Variants in ARHGEF11 observed in about 807,000 individuals in gnomAD.
ARHGEF11 encodes Rho guanine nucleotide exchange factor 11.
A neutral mutation model predicts 193.7 loss-of-function variants in ARHGEF11; 55 were observed. The observed-to-expected ratio is 0.28, with a 90% CI of 0.23 to 0.36. The LOEUF is 0.36. ARHGEF11 is among the 10% of genes least tolerant of loss of function. ARHGEF11 has a pLI of 1.00. For missense variants in ARHGEF11, 1,723 were observed against 2,005.6 expected (o/e 0.86, Z 2.69); for synonymous variants, 693 against 768.0 (o/e 0.90, Z 1.62).
intron 3 of ARHGEF11, among the ~76,000 whole-genome samples, chr1:156,982,503 G>T (rs895207435): frequency 6.6e-6 from 1 of 152,124 alleles, no homozygotes; most frequent in Non-Finnish European, 1.5e-5. Context: ...TCCAAATGAA[G>T]TCTCTTTTAC....
At position 156,976,965 on chromosome 1, in the gene ARHGEF11, C is replaced by G. The variant is rs776850576; in HGVS notation, c.582+18G>C. The stretch of plus-strand genomic sequence containing the variant: ...TTCACTCAGGCAATGGCCAGTCTAC[C>G]CTTGGCAGTGACCTTACCTGTAATT... On this transcript the variant is annotated intron_variant, in intron 7 of 40. Coordinates refer to ENST00000368194, the MANE Select transcript of ARHGEF11 (RefSeq NM_198236.3). 6.2e-7 allele frequency: 1 copy of G among 1,609,678 alleles called. No individual in the cohort carries two copies. Among genetic ancestry groups the G allele is most frequent in the South Asian group, 1.1e-5 (1 of 90,972 alleles).
At chr1:156,963,439 T>C in intron 12 of ARHGEF11, 81 bp downstream of exon 12, 1 of 1,529,268 alleles carries the variant, frequency 6.5e-7, no homozygotes, top group African/African-American at 1.4e-5. Flanking sequence ...TCACAGCTGA[T>C]GCTAGTCAAA....
chr1:156,983,847 C>T (rs1664549348), intron 3 of ARHGEF11, among the ~76,000 whole-genome samples: 1 of 152,236 alleles, frequency 6.6e-6, no homozygotes, highest in Admixed American at 6.5e-5. Flanking sequence ...ACATCACATC[C>T]AACATATATC....
At chr1:157,040,991 C>T (rs1212795459) in intron 1 of ARHGEF11, among the ~76,000 whole-genome samples, 4 of 152,158 alleles carry the variant, frequency 2.6e-5, no homozygotes. Flanking sequence ...CATGTGACTT[C>T]CCCAAGGTCA....
intron 22 of ARHGEF11, among the ~76,000 whole-genome samples, chr1:156,951,052 T>A (rs1028584701): frequency 2.0e-5 from 3 of 152,200 alleles, no homozygotes; most frequent in African/African-American, 7.2e-5. Context: ...TTGTAATCAA[T>A]CCACTTTGCC....
At chr1:156,974,609 T>G (rs988418429) in intron 7 of ARHGEF11, among the ~76,000 whole-genome samples, 2 of 152,172 alleles carry the variant, frequency 1.3e-5, no homozygotes, top group African/African-American at 4.8e-5. Flanking sequence ...ACTACCTAAT[T>G]CCAGAACATT....
chr1:157,028,903 A>T (rs1180303321), intron 1 of ARHGEF11, among the ~76,000 whole-genome samples: 1 of 152,148 alleles, frequency 6.6e-6, no homozygotes, highest in Non-Finnish European at 1.5e-5. Context: ...GTGGTGGCTC[A>T]TGCCTGTAAT....
chr1:156,988,653 A>G (rs996804288), intron 1 of ARHGEF11, among the ~76,000 whole-genome samples: 2 of 152,330 alleles, frequency 1.3e-5, no homozygotes, highest in South Asian at 4.1e-4. Flanking sequence ...CAAAAGGTCC[A>G]TGTCCCTGCT....
chr1:157,011,479 A>C (rs1473915591), intron 1 of ARHGEF11, among the ~76,000 whole-genome samples: 1 of 152,130 alleles, frequency 6.6e-6, no homozygotes, highest in Non-Finnish European at 1.5e-5. Context: ...AAAATATATA[A>C]AAACTGGACT....
intron 1 of ARHGEF11, among the ~76,000 whole-genome samples, chr1:157,025,942 C>T (rs1039156228): frequency 6.6e-6 from 1 of 152,210 alleles, no homozygotes; most frequent in Non-Finnish European, 1.5e-5. Flanking sequence ...AGAATAAAAA[C>T]ACTGTATAAT....
chr1:156,952,445 C>A (rs1659254763), intron 21 of ARHGEF11, among the ~76,000 whole-genome samples: 1 of 152,186 alleles, frequency 6.6e-6, no homozygotes, highest in Admixed American at 6.5e-5. Context: ...AAGGAATTCA[C>A]CTTCAAGTCA....
At chr1:156,992,605 G>A (rs200842085) in intron 1 of ARHGEF11, among the ~76,000 whole-genome samples, 2 of 78,348 alleles carry the variant, frequency 2.6e-5, no homozygotes, top group African/African-American at 7.0e-5. Flanking sequence ...GTATATATAT[G>A]TGTGTGTGTG....
chr1:157,028,337 G>A (rs1428982972), intron 1 of ARHGEF11, among the ~76,000 whole-genome samples: 1 of 152,168 alleles, frequency 6.6e-6, no homozygotes, highest in Non-Finnish European at 1.5e-5. Flanking sequence ...ATTTTGCTAA[G>A]CACTTCACAT....
chr1:156,945,402 A>C, intron 29 of ARHGEF11: 1 of 573,812 alleles, frequency 1.7e-6, no homozygotes. Flanking sequence ...CAGACAGATC[A>C]CTGCTTTGAA....
intron 19 of ARHGEF11, 30 bp downstream of exon 19, chr1:156,956,390 C>A: frequency 6.2e-7 from 1 of 1,612,344 alleles, no homozygotes; most frequent in Non-Finnish European, 8.5e-7. Context: ...ACTAGGATTA[C>A]AGGCATGAGC....
At chr1:156,998,124 C>T (rs986223350) in intron 1 of ARHGEF11, among the ~76,000 whole-genome samples, 1 of 152,188 alleles carries the variant, frequency 6.6e-6, no homozygotes, top group South Asian at 2.1e-4. Flanking sequence ...TCCTTGTTCG[C>T]TGGACTGTGA....
intron 2 of ARHGEF11, among the ~76,000 whole-genome samples, chr1:156,984,774 GAAGACTA>G (rs2102467033): frequency 6.6e-6 from 1 of 152,204 alleles, no homozygotes; most frequent in South Asian, 2.1e-4. Flanking sequence ...CCATCCTCCT[GAAGACTA>G]ATATTACCAA....
chr1:156,968,858 T>A (rs2102277748), intron 10 of ARHGEF11, among the ~76,000 whole-genome samples: 1 of 152,306 alleles, frequency 6.6e-6, no homozygotes, highest in South Asian at 2.1e-4. Context: ...AAGAAAAAGA[T>A]CCACAGCAAA....
intron 1 of ARHGEF11, among the ~76,000 whole-genome samples, chr1:156,986,690 T>C (rs1664970528): frequency 1.3e-5 from 2 of 152,138 alleles, no homozygotes; most frequent in African/African-American, 4.8e-5. Flanking sequence ...GCTGTAGTGG[T>C]GGCAGCAGAG....
Sources: allele counts gnomAD v4.1 joint callset (sites outside exome capture counted in the v4.1 genomes callset), GRCh38; gene constraint gnomAD v4.1.1; transcripts MANE v1.5; gene names NCBI Gene and HGNC (gene_info 2026-07-23, HGNC 2026-07-21).